Variants in RGS17 observed in about 807,000 individuals in gnomAD.
RGS17 encodes regulator of G protein signaling 17, also known as regulator of G-protein signaling 17.
RGS17 carries 12 observed loss-of-function variants against 25.5 expected under a neutral mutation model. That is an observed-to-expected ratio of 0.47 (90% CI 0.30 to 0.76). The LOEUF (loss-of-function observed/expected upper bound fraction) is 0.76, where lower values mean the gene tolerates loss of function less well. Among genes scored for constraint, RGS17 ranks in the 30% least tolerant of loss-of-function variants. The pLI is 0.07. For missense variants in RGS17, 196 were observed against 242.2 expected (o/e 0.81, Z 1.27); for synonymous variants, 71 against 76.9 (o/e 0.92, Z 0.40).
chr6:153,125,381 C>A (rs1777690021), intron 1 of RGS17, among the ~76,000 whole-genome samples: 1 of 152,114 alleles, frequency 6.6e-6, no homozygotes, highest in Admixed American at 6.5e-5. Context: ...TAAAATACTT[C>A]TATAATTTCA....
chr6:153,040,080 T>TGGATTTGGGCATCCATTCCTTGC (rs2129109713), intron 2 of RGS17, among the ~76,000 whole-genome samples: 1 of 20,572 alleles, frequency 4.9e-5, no homozygotes, highest in East Asian at 2.8e-3. Context: ...CCATTTTATG[T>TGGATTTGGGCATCCATTCCTTGC]GTATTTAAGG....
At chr6:153,018,332 T>C (rs1779206306) in intron 4 of RGS17, among the ~76,000 whole-genome samples, 1 of 152,240 alleles carries the variant, frequency 6.6e-6, no homozygotes, top group Non-Finnish European at 1.5e-5. Context: ...TCAGAAGATC[T>C]TGGGCTTGAA....
At chr6:153,025,457 T>C (rs867163672) in intron 3 of RGS17, among the ~76,000 whole-genome samples, 68 of 151,904 alleles carry the variant, frequency 4.5e-4, no homozygotes, top group African/African-American at 1.6e-3. Flanking sequence ...TTTTAGTGAC[T>C]AGGTGACTGC....
intron 1 of RGS17, among the ~76,000 whole-genome samples, chr6:153,048,847 T>C (rs1776419540): frequency 1.3e-5 from 2 of 152,208 alleles, no homozygotes; most frequent in African/African-American, 4.8e-5. Context: ...TCACTAGTCA[T>C]ACTACAAGTT....
In RGS17 at chr6:153,054,098, A is replaced by ATATATGTG. The variant is rs1186222896; in HGVS notation, c.-25-10056_-25-10055insCACATATA. On this transcript the variant is annotated intron_variant, in intron 1 of 4. Transcript: ENST00000206262. ...TATATACACACAATATTTTTTATATATATATATATATATATGTGTATATAT... is the reference window on the plus strand; with the variant it reads ...TATATACACACAATATTTTTTATATATATATGTGTATATATATATATATGTGTATATAT... Among the ~76,000 whole-genome samples the ATATATGTG allele has an allele frequency of 7.8e-3, 690 of 88,716 alleles. 98 individuals are homozygous for ATATATGTG. The highest frequency in any genetic ancestry group is 0.028 in the African/African-American group (582 of 20,966). 58.2% of individuals were successfully genotyped at this position (88,716 alleles called of 152,430 possible). A position where few individuals can be genotyped will look rare whatever the true frequency, so the allele number is the denominator to read the frequency against.
At chr6:153,047,331 A>C (rs1052846524) in intron 1 of RGS17, among the ~76,000 whole-genome samples, 16 of 152,186 alleles carry the variant, frequency 1.1e-4, no homozygotes, top group African/African-American at 3.6e-4. Context: ...GTTTAGATAC[A>C]CTCAAGAATT....
intron 1 of RGS17, among the ~76,000 whole-genome samples, chr6:153,103,635 C>G (rs1193533516): frequency 6.6e-6 from 1 of 152,194 alleles, no homozygotes; most frequent in African/African-American, 2.4e-5. Flanking sequence ...CCCGAAAAAC[C>G]AAATGCCAGC....
At position 153,007,529 on chromosome 6, in the gene RGS17, T is replaced by A. The variant is rs1020100614; in HGVS notation, c.*4045A>T. 2 of 152,092 alleles carry A rather than the reference T, an allele frequency of 1.3e-5. No homozygotes were observed. Among genetic ancestry groups the A allele is most frequent in the African/African-American group, 4.8e-5 (2 of 41,434 alleles). The allele number at this position is 152,092 out of a possible 1,614,324, so 9.4% of individuals were successfully genotyped here. On this transcript the variant is annotated 3_prime_UTR_variant, in exon 5 of 5. Coordinates refer to ENST00000206262, the MANE Select transcript of RGS17 (RefSeq NM_012419.5). ...TGTGTCAAGATCAAAGTATTCAAAA[T>A]ACATGTTTGATAGGCTTCTATCTAT...
rs149358215 is a variant in RGS17, at chr6:153,081,071, A to G, written c.-25-37028T>C. Among the ~76,000 whole-genome samples, 1,268 of 152,032 alleles carry G rather than the reference A, an allele frequency of 8.3e-3. 23 individuals are homozygous for G. Among genetic ancestry groups the G allele is most frequent in the African/African-American group, 0.029 (1,208 of 41,470 alleles). ...TTATGTGTACTTGAAAAGGATGTATACTCTGCTGCATTTGGATGCAGTGTT... is the reference window on the plus strand; with the variant it reads ...TTATGTGTACTTGAAAAGGATGTATGCTCTGCTGCATTTGGATGCAGTGTT... On this transcript the variant is annotated intron_variant, in intron 1 of 4. Coordinates refer to ENST00000206262, the MANE Select transcript of RGS17 (RefSeq NM_012419.5).
chr6:153,054,013 T>C (rs1459994934), intron 1 of RGS17, among the ~76,000 whole-genome samples: 6,406 of 36,006 alleles, frequency 0.18, 1,423 homozygotes, highest in African/African-American at 0.25. Flanking sequence ...TATATACGTA[T>C]ATATGTATAT....
chr6:153,079,144 T>C (rs9479499), intron 1 of RGS17, among the ~76,000 whole-genome samples: 1 of 151,646 alleles, frequency 6.6e-6, no homozygotes, highest in African/African-American at 2.4e-5. Context: ...AGTGGTCCAA[T>C]GTGGCTCACT....
intron 1 of RGS17, among the ~76,000 whole-genome samples, chr6:153,100,462 T>C (rs927757670): frequency 6.6e-6 from 1 of 152,156 alleles, no homozygotes; most frequent in Non-Finnish European, 1.5e-5. Flanking sequence ...TTGATCATTA[T>C]ACATTGTATA....
intron 1 of RGS17, 131 bp from the exon 2 acceptor site, chr6:153,044,174 G>A (rs998313848): frequency 3.3e-6 from 2 of 605,628 alleles, no homozygotes; most frequent in South Asian, 1.9e-5. Context: ...GGAAACTTGA[G>A]AGGCCAAACT....
At chr6:153,076,914 TGA>T (rs1776888392) in intron 1 of RGS17, among the ~76,000 whole-genome samples, 1 of 152,160 alleles carries the variant, frequency 6.6e-6, no homozygotes, top group Admixed American at 6.5e-5. Context: ...AACTGTAACA[TGA>T]GAGACTGAGA....
At chr6:153,109,116 G>C (rs201519966) in intron 1 of RGS17, among the ~76,000 whole-genome samples, 1 of 138,120 alleles carries the variant, frequency 7.2e-6, no homozygotes, top group Non-Finnish European at 1.6e-5. Flanking sequence ...CGATAATACA[G>C]GAAGTAAATG....
intron 1 of RGS17, among the ~76,000 whole-genome samples, chr6:153,084,762 C>A (rs1777030124): frequency 6.6e-6 from 1 of 152,042 alleles, no homozygotes; most frequent in Admixed American, 6.6e-5. Flanking sequence ...TGTCTTTGAC[C>A]AGAGTGGCCA....
At position 153,028,376 on chromosome 6, in the gene RGS17, C is replaced by T. The variant is rs927455330; in HGVS notation, c.120-1833G>A. On this transcript the variant is annotated intron_variant, in intron 2 of 4. Coordinates refer to ENST00000206262, the MANE Select transcript of RGS17 (RefSeq NM_012419.5). ...GGGTTAGAGACAGCAAAGCCTTTAG[C>T]GTAGTGTAATTTTGGGGAGGAATTC... Among the ~76,000 whole-genome samples the T allele has an allele frequency of 8.7e-4, 133 of 152,134 alleles. 1 individual carries two copies. The highest frequency in any genetic ancestry group is 3.1e-3 in the African/African-American group (128 of 41,488).
At chr6:153,016,132 T>C (rs1164590044) in intron 4 of RGS17, among the ~76,000 whole-genome samples, 1 of 152,240 alleles carries the variant, frequency 6.6e-6, no homozygotes, top group African/African-American at 2.4e-5. Context: ...ATAAAAATGT[T>C]CTGGAAATGA....
intron 1 of RGS17, among the ~76,000 whole-genome samples, chr6:153,092,174 A>C (rs7740777): frequency 0.46 from 70,646 of 152,044 alleles, 17,095 homozygotes; most frequent in East Asian, 0.85. Context: ...AATTCAGCTT[A>C]TTTAAACCCA....
Sources: gnomAD v4.1 joint callset for allele counts (sites outside exome capture counted in the v4.1 genomes callset) on GRCh38, gnomAD v4.1.1 for gene constraint, MANE v1.5 for transcripts, NCBI Gene and HGNC (gene_info 2026-07-23, HGNC 2026-07-21) for gene names.